The following MED25 variants were observed in gnomAD, a reference collection of about 807,000 sequenced individuals.
The protein encoded by MED25 is mediator of RNA polymerase II transcription subunit 25.
Under a neutral mutation model 89.4 loss-of-function variants are expected in MED25, and 62 were observed. The ratio of observed to expected loss-of-function variants is 0.69; its 90% CI spans 0.57 to 0.86. The LOEUF (loss-of-function observed/expected upper bound fraction) is 0.86. MED25 is among the 40% of genes least tolerant of loss of function. The pLI, the probability that MED25 is intolerant of heterozygous loss-of-function variation, is 0.00. For missense variants in MED25, 905 were observed against 1,005.2 expected (o/e 0.90, Z 1.35); for synonymous variants, 449 against 427.9 (o/e 1.05, Z -0.61).
At chr19:49,818,540 G>A (rs184390301) in intron 1 of MED25, 31 bp from the exon 2 acceptor site, 2 of 1,614,106 alleles carry the variant, frequency 1.2e-6, no homozygotes, top group African/African-American at 1.3e-5. Context: ...TTTCTTGCCT[G>A]ACTCCGACCT....
In MED25 at chr19:49,835,418, C is replaced by G. The variant is rs1178865423; in HGVS notation, c.1675-116C>G. The G allele has an allele frequency of 6.2e-6, 7 of 1,130,486 alleles. No individual in the cohort carries two copies. Among genetic ancestry groups the G allele is most frequent in the Non-Finnish European group, 8.8e-6 (7 of 794,378 alleles). 70.0% of individuals were successfully genotyped at this position (1,130,486 alleles called of 1,614,324 possible). On this transcript the variant is annotated intron_variant, in intron 14 of 17. Transcript: ENST00000312865. This position sits in a 1 kb window ranked among gnomAD's most constrained non-coding sequence, Gnocchi z 6.2. ...CGGCATCCCTCCCAGACCACTCACC[C>G]CCAAAGAGAATGTCCCCATCTCCTT...
downstream of MED25, chr19:49,838,636 G>A (rs1185506850): frequency 2.2e-6 from 1 of 457,350 alleles, no homozygotes; most frequent in Admixed American, 2.3e-5. Flanking sequence ...ATGGGAGCGA[G>A]CCTATTTCTT....
At position 49,829,792 on chromosome 19, in the gene MED25, A is replaced by T. The variant is rs745616749; in HGVS notation, c.532A>T (p.Ile178Phe). 1 of 1,593,634 alleles carries T rather than the reference A, an allele frequency of 6.3e-7. No individual in the cohort carries two copies. The highest frequency in any genetic ancestry group is 1.1e-5 in the South Asian group (1 of 88,908). Reference sequence around the variant, plus strand: ...CTCGGCCCCTCTCCTACAGCGGGGGATCCACTTCTCCATTGTGTCTCCCCG... The same window carrying T: ...CTCGGCCCCTCTCCTACAGCGGGGGTTCCACTTCTCCATTGTGTCTCCCCG... ...NLVQQIGERG[I>F]HFSIVSPRKL... The change falls in exon 6 of 18, where the codon ATC (isoleucine) becomes TTC (phenylalanine). Residue 178 changes from isoleucine (I) to phenylalanine (F), a missense_variant. Transcript: ENST00000312865. The surrounding 1 kb of genome is among the most constrained non-coding windows in gnomAD (Gnocchi z 4.6).
chr19:49,836,688 C>G lies in MED25; in HGVS notation c.2147-159C>G, dbSNP rs1283863267. On this transcript the variant is annotated intron_variant, in intron 17 of 17. Coordinates refer to ENST00000312865, the MANE Select transcript of MED25 (RefSeq NM_030973.4). This position sits in a 1 kb window ranked among gnomAD's most constrained non-coding sequence, Gnocchi z 5.1. ...AGAGAAGTAGTTTTGGAGAAGGGCC[C>G]CCAAAGGCTCATGGGAAACAGCATA... 1 of 744,904 alleles carries G rather than the reference C, an allele frequency of 1.3e-6. No homozygotes were observed. Among genetic ancestry groups the G allele is most frequent in the African/African-American group, 1.7e-5 (1 of 57,800 alleles). 46.1% of individuals were successfully genotyped at this position (744,904 alleles called of 1,614,324 possible). A position where few individuals can be genotyped will look rare whatever the true frequency, so the allele number is the denominator to read the frequency against.
At position 49,832,000 on chromosome 19, in the gene MED25, A is replaced by AAG. The variant is rs747395243; in HGVS notation, c.1295_1296insAG (p.Tyr432Ter). 1 of 1,613,926 alleles carries AAG rather than the reference A, an allele frequency of 6.2e-7. No individual in the cohort carries two copies. Reference sequence around the variant, plus strand: ...ACGCGGTCACTGCCCTGCCAGGTCTACGTGAATCATGGCGAGAACCTGTAG... The same window carrying AAG: ...ACGCGGTCACTGCCCTGCCAGGTCTAAGCGTGAATCATGGCGAGAACCTGTAG... ...KLTRSLPCQV[Y>*]VNHGENLKTE... Residue 432 changes from tyrosine (Y) to a stop codon, truncating the protein, a stop_gained and frameshift_variant, in exon 11 of 18, where the codon TAC (tyrosine) becomes TAAGC (stop). Coordinates refer to ENST00000312865, the MANE Select transcript of MED25 (RefSeq NM_030973.4). LOFTEE classifies it high-confidence loss of function. This position sits in a 1 kb window ranked among gnomAD's most constrained non-coding sequence, Gnocchi z 5.0.
At chr19:49,822,694 C>CTGAAGTGCA (rs1370015353) in intron 3 of MED25, among the ~76,000 whole-genome samples, 1 of 125,450 alleles carries the variant, frequency 8.0e-6, no homozygotes, top group African/African-American at 3.1e-5. Flanking sequence ...GTTGTCCAGG[C>CTGAAGTGCA]TGAAGTGCAG....
intron 11 of MED25, 21 bp from the exon 12 acceptor site, chr19:49,832,079 C>G (rs2074061858): frequency 6.2e-7 from 1 of 1,613,908 alleles, no homozygotes; most frequent in Non-Finnish European, 8.5e-7. Context: ...CTCCTCACAC[C>G]TCTCCTGGCA....
At chr19:49,823,707 G>A (rs181376625) in intron 3 of MED25, among the ~76,000 whole-genome samples, 152 of 152,178 alleles carry the variant, frequency 1.0e-3, no homozygotes, top group South Asian at 1.9e-3. Context: ...TGCAAGTGCT[G>A]GGTGCAGGAC....
intron 3 of MED25, among the ~76,000 whole-genome samples, chr19:49,826,621 G>A (rs954748215): frequency 2.0e-5 from 3 of 152,238 alleles, no homozygotes; most frequent in Non-Finnish European, 4.4e-5. Context: ...TGTCTCTCTT[G>A]GAGGGCTGCA....
rs1220883878 is a variant in MED25, at chr19:49,822,262, C to CAA, written c.305+2987_305+2988dup. On this transcript the variant is annotated intron_variant, in intron 3 of 17. Coordinates refer to ENST00000312865, the MANE Select transcript of MED25 (RefSeq NM_030973.4). Reference sequence around the variant, plus strand: ...TGGGCAACAGAGCAAGACTCTGTCTCAAAAAAAAAAAAAAAAAAAAAACCA... The same window carrying CAA: ...TGGGCAACAGAGCAAGACTCTGTCTCAAAAAAAAAAAAAAAAAAAAAAAACCA... Among the ~76,000 whole-genome samples, 385 of 48,482 alleles carry CAA rather than the reference C, an allele frequency of 7.9e-3. 8 individuals carry two copies. The highest frequency in any genetic ancestry group is 0.019 in the African/African-American group (233 of 12,102). The allele number at this position is 48,482 out of a possible 152,430, so 31.8% of individuals were successfully genotyped here. A position where few individuals can be genotyped will look rare whatever the true frequency, so the allele number is the denominator to read the frequency against.
rs777988894 is a variant in MED25 at position 49,835,832 on chromosome 19, C to T, written c.1852C>T (p.Pro618Ser). 1 of 1,611,560 alleles carries T rather than the reference C, an allele frequency of 6.2e-7. No homozygotes were observed. Among genetic ancestry groups the T allele is most frequent in the East Asian group, 2.2e-5 (1 of 44,832 alleles). The change falls in exon 16 of 18, where the codon CCT becomes TCT. Residue 618 changes from proline (P) to serine (S), a missense_variant. Transcript: ENST00000312865. This position sits in a 1 kb window ranked among gnomAD's most constrained non-coding sequence, Gnocchi z 6.2. Reference sequence around the variant, plus strand: ...TACTGCCCAGCCCCCGCCAGGTGCCCCTCAAGGCCCTCCTGGAGCAGCTTC... The same window carrying T: ...TACTGCCCAGCCCCCGCCAGGTGCCTCTCAAGGCCCTCCTGGAGCAGCTTC... The part of the protein sequence containing the change: ...QGTAQPPPGA[P>S]QGPPGAASGP...
Position 49,834,900 on chromosome 19 carries a change from G to A in MED25, c.1483-86G>A, listed in dbSNP as rs2074084316. On this transcript the variant is annotated intron_variant, in intron 13 of 17. Transcript: ENST00000312865. The surrounding 1 kb of genome is among the most constrained non-coding windows in gnomAD (Gnocchi z 4.1). Reference sequence around the variant, plus strand: ...AACCTCACCTCACCTTGCCTGTGGGGCCTCTAGAGCCTTCTGGAATGGGGA... The same window carrying A: ...AACCTCACCTCACCTTGCCTGTGGGACCTCTAGAGCCTTCTGGAATGGGGA... 2 of 1,381,394 alleles carry A rather than the reference G, an allele frequency of 1.4e-6. No homozygotes were observed. The highest frequency in any genetic ancestry group is 1.2e-5 in the South Asian group (1 of 86,282). The allele number at this position is 1,381,394 out of a possible 1,614,324, so 85.6% of individuals were successfully genotyped here. A position where few individuals can be genotyped will look rare whatever the true frequency, so the allele number is the denominator to read the frequency against.
At position 49,819,169 on chromosome 19, in the gene MED25, C is replaced by G; in HGVS notation, c.181-3C>G. ...TTAAAAGTTTTCTGTCCTCCCCTCC[C>G]AGTATGGGGGGACCCAGTACAGCCT... On this transcript the variant is annotated splice_region_variant and splice_polypyrimidine_tract_variant and intron_variant, in intron 2 of 17. Coordinates refer to ENST00000312865, the MANE Select transcript of MED25 (RefSeq NM_030973.4). 1 of 1,614,170 alleles carries G rather than the reference C, an allele frequency of 6.2e-7. No homozygotes were observed. The highest frequency in any genetic ancestry group is 8.5e-7 in the Non-Finnish European group (1 of 1,180,014).
chr19:49,818,878 C>G, intron 2 of MED25: 1 of 570,174 alleles, frequency 1.8e-6, no homozygotes, highest in Non-Finnish European at 3.1e-6. Context: ...GGAGGAAGGG[C>G]TGGGCGTCTG....
intron 3 of MED25, among the ~76,000 whole-genome samples, chr19:49,822,123 C>T (rs995749926): frequency 2.6e-5 from 4 of 151,220 alleles, no homozygotes; most frequent in East Asian, 2.0e-4. Context: ...TTTAACCGGG[C>T]GCGGTGGCAG....
rs1281298762 is a variant in MED25, at chr19:49,830,843, G to A, written c.1057G>A (p.Gly353Ser). Residue 353 changes from glycine (G) to serine (S), a missense_variant, in exon 9 of 18, where the codon GGC becomes AGC. Gly to Ser is a moderately conservative substitution (Grantham distance 56, BLOSUM62 0). Transcript: ENST00000312865. This position sits in a 1 kb window ranked among gnomAD's most constrained non-coding sequence, Gnocchi z 4.6. The part of the protein sequence containing the change: ...QPSLVSTVAP[G>S]SGLAPTAQPG... ...CAGTCTGGTCTCCACTGTGGCCCCTGGCTCCGGCCTGGCTCCCACGGCACA... is the reference window on the plus strand; with the variant it reads ...CAGTCTGGTCTCCACTGTGGCCCCTAGCTCCGGCCTGGCTCCCACGGCACA... The A allele has an allele frequency of 1.9e-6, 3 of 1,612,690 alleles. No homozygotes were observed. The highest frequency in any genetic ancestry group is 2.5e-6 in the Non-Finnish European group (3 of 1,179,880).
At chr19:49,832,236 C>A in intron 12 of MED25, 72 bp from the exon 13 acceptor site, 1 of 1,540,748 alleles carries the variant, frequency 6.5e-7, no homozygotes, top group East Asian at 2.3e-5. Context: ...TGCCCCACCC[C>A]CACTCCCTGC....
chr19:49,835,701 C>T lies in MED25; in HGVS notation c.1747-26C>T, dbSNP rs762794804. 1.2e-6 allele frequency: 2 copies of T among 1,603,176 alleles called. No individual in the cohort carries two copies. Among genetic ancestry groups the T allele is most frequent in the South Asian group, 2.2e-5 (2 of 89,402 alleles). On this transcript the variant is annotated intron_variant, in intron 15 of 17. Coordinates refer to ENST00000312865, the MANE Select transcript of MED25 (RefSeq NM_030973.4). The surrounding 1 kb of genome is among the most constrained non-coding windows in gnomAD (Gnocchi z 6.2). ...GGGGCGTGAGGCCCTGCCCATCTCC[C>T]TCACCCCTGTGTCTCTTCCCACCAG...
Position 49,829,204 on chromosome 19 carries a change from C to T in MED25, c.525+114C>T. 2.1e-6 allele frequency: 2 copies of T among 944,348 alleles called. No individual in the cohort carries two copies. Among genetic ancestry groups the T allele is most frequent in the South Asian group, 2.8e-5 (2 of 72,384 alleles). 58.5% of individuals were successfully genotyped at this position (944,348 alleles called of 1,614,324 possible). A position where few individuals can be genotyped will look rare whatever the true frequency, so the allele number is the denominator to read the frequency against. ...GTCTGAGGGAGGAGGCACTGGGGGC[C>T]TGGACTCTTGGGTCTAAGCGGGGAG... On this transcript the variant is annotated intron_variant, in intron 5 of 17. Coordinates refer to ENST00000312865, the MANE Select transcript of MED25 (RefSeq NM_030973.4). This position sits in a 1 kb window ranked among gnomAD's most constrained non-coding sequence, Gnocchi z 4.6.
Sources: allele counts gnomAD v4.1 joint callset (sites outside exome capture counted in the v4.1 genomes callset), GRCh38; gene constraint gnomAD v4.1.1; non-coding constraint Gnocchi (gnomAD v3.1); transcripts MANE v1.5; gene names NCBI Gene and HGNC (gene_info 2026-07-23, HGNC 2026-07-21).